RORA: variants seen among roughly 807,000 people sequenced by gnomAD.
RORA encodes nuclear receptor ROR-alpha.
A neutral mutation model predicts 69.5 loss-of-function variants in RORA; 7 were observed. The ratio of observed to expected loss-of-function variants is 0.10; its 90% confidence interval spans 0.06 to 0.19. The LOEUF (loss-of-function observed/expected upper bound fraction) is 0.19, where lower values mean the gene tolerates loss of function less well. Among genes scored for constraint, RORA ranks in the 10% least tolerant of loss-of-function variants. The pLI is 1.00. For synonymous variants in RORA, 261 were observed against 240.8 expected, an observed-to-expected ratio of 1.08 and a Z score of -0.78; for missense variants, 457 against 663.0, an observed-to-expected ratio of 0.69 and a Z score of 3.41.
At chr15:60,997,653 A>G (rs28754592) in intron 1 of RORA, among the ~76,000 whole-genome samples, 2,207 of 152,306 alleles carry the variant, frequency 0.014, 57 homozygotes, top group African/African-American at 0.048. Flanking sequence ...ACCCATGTAT[A>G]TCTTCCACAT....
intron 1 of RORA, among the ~76,000 whole-genome samples, chr15:61,091,427 G>A (rs1381166283): frequency 6.6e-6 from 1 of 152,086 alleles, no homozygotes; most frequent in African/African-American, 2.4e-5. Flanking sequence ...TACTCCCTCC[G>A]CCACTGCCTG....
At position 61,189,373 on chromosome 15, in the gene RORA, C is replaced by A. The variant is rs891953361; in HGVS notation, c.166+39680G>T. ...CGCACTCTATTTGCTGGCTCCCACTCGGCAGCTATGGGCTCTTGTTTTTGA... is the reference window on the plus strand; with the variant it reads ...CGCACTCTATTTGCTGGCTCCCACTAGGCAGCTATGGGCTCTTGTTTTTGA... On this transcript the variant is annotated intron_variant, in intron 1 of 10. Coordinates refer to ENST00000335670, the MANE Select transcript of RORA (RefSeq NM_134261.3). 8.5e-5 allele frequency among the ~76,000 whole-genome samples: 13 copies of A among 152,306 alleles called. No homozygotes were observed. The Middle Eastern group carries it at 0.01, about 120-fold the overall frequency.
intron 1 of RORA, among the ~76,000 whole-genome samples, chr15:60,995,200 T>C (rs559899051): frequency 1.3e-5 from 2 of 152,304 alleles, no homozygotes; most frequent in East Asian, 1.9e-4. Flanking sequence ...TTCTCTTCTT[T>C]CCTTTCCGCA....
intron 2 of RORA, among the ~76,000 whole-genome samples, chr15:60,599,509 T>C (rs61333371): frequency 0.27 from 41,339 of 152,076 alleles, 5,824 homozygotes; most frequent in East Asian, 0.45. Context: ...TGAGATCGTG[T>C]CACTGCACTC....
intron 1 of RORA, among the ~76,000 whole-genome samples, chr15:60,912,538 A>G (rs2140480585): frequency 6.6e-6 from 1 of 152,192 alleles, no homozygotes; most frequent in African/African-American, 2.4e-5. Flanking sequence ...GTGGATCACG[A>G]GATCAGGAGA....
In RORA at chr15:61,061,678, A is replaced by G. The variant is rs1019650161; in HGVS notation, c.166+167375T>C. On this transcript the variant is annotated intron_variant, in intron 1 of 10. Coordinates refer to ENST00000335670, the MANE Select transcript of RORA (RefSeq NM_134261.3). The surrounding 1 kb of genome is among the most constrained non-coding windows in gnomAD (Gnocchi z 4.4). ...TTGCAAGAGTTAAGAGGAAATTTAA[A>G]CTACTGCTTTAGTTGTTGGGCATAT... Among the ~76,000 whole-genome samples, 1 of 152,184 alleles carries G rather than the reference A, an allele frequency of 6.6e-6. No individual in the cohort carries two copies. Among genetic ancestry groups the G allele is most frequent in the Non-Finnish European group, 1.5e-5 (1 of 68,038 alleles).
chr15:60,540,780 C>A (rs2066847760), intron 2 of RORA, among the ~76,000 whole-genome samples: 1 of 152,214 alleles, frequency 6.6e-6, no homozygotes, highest in African/African-American at 2.4e-5. Flanking sequence ...ACTAAATAAA[C>A]TGGATTCATG....
intron 1 of RORA, among the ~76,000 whole-genome samples, chr15:60,830,971 C>T (rs191893573): frequency 8.8e-4 from 134 of 152,128 alleles, no homozygotes; most frequent in African/African-American, 3.1e-3. Context: ...GTGTGTGGAT[C>T]CATCAAAAAG....
chr15:61,120,967 C>T (rs1475771840), intron 1 of RORA, among the ~76,000 whole-genome samples: 1 of 151,640 alleles, frequency 6.6e-6, no homozygotes. Context: ...CCTGTCTCAG[C>T]TTCCCCAGTA....
At chr15:60,647,904 C>G (rs542065509) in intron 2 of RORA, among the ~76,000 whole-genome samples, 2 of 152,140 alleles carry the variant, frequency 1.3e-5, no homozygotes, top group Admixed American at 1.3e-4. Flanking sequence ...TTGGGTCAGC[C>G]GCAGGCATCA....
intron 1 of RORA, among the ~76,000 whole-genome samples, chr15:60,857,123 C>T (rs2073388679): frequency 6.6e-6 from 1 of 152,124 alleles, no homozygotes; most frequent in African/African-American, 2.4e-5. Flanking sequence ...AAGGACCTTG[C>T]AGGCTCGTGG....
At chr15:60,561,079 T>TTG (rs1375992581) in intron 2 of RORA, among the ~76,000 whole-genome samples, 4 of 129,772 alleles carry the variant, frequency 3.1e-5, no homozygotes, top group Non-Finnish European at 6.1e-5. Flanking sequence ...TTGTTTTGTT[T>TTG]TTGTTTTTTT....
At chr15:61,164,158 ATGT>A (rs1432268674) in intron 1 of RORA, among the ~76,000 whole-genome samples, 8 of 151,866 alleles carry the variant, frequency 5.3e-5, no homozygotes, top group Non-Finnish European at 8.8e-5. Context: ...AAAAAAAAAC[ATGT>A]GGAGCCTGTA....
At chr15:61,038,671 T>G (rs974024296) in intron 1 of RORA, among the ~76,000 whole-genome samples, 2 of 152,244 alleles carry the variant, frequency 1.3e-5, no homozygotes, top group African/African-American at 2.4e-5. Flanking sequence ...TTGTGTTTGC[T>G]AAGGCAATAA....
At chr15:60,592,802 G>T in intron 2 of RORA, 1 of 631,268 alleles carries the variant, frequency 1.6e-6, no homozygotes, top group Non-Finnish European at 2.5e-6. Context: ...TCGCCTTCGG[G>T]ATCACCTGTG....
At chr15:60,840,511 A>G (rs964116076) in intron 1 of RORA, among the ~76,000 whole-genome samples, 2 of 152,194 alleles carry the variant, frequency 1.3e-5, no homozygotes, top group African/African-American at 4.8e-5. Context: ...CCCCACTCTC[A>G]CCAGCAGAGG....
chr15:61,045,099 C>G (rs1054674496), intron 1 of RORA, among the ~76,000 whole-genome samples: 1 of 152,180 alleles, frequency 6.6e-6, no homozygotes, highest in Non-Finnish European at 1.5e-5. Flanking sequence ...TGTGTCTCCA[C>G]CCACATCTCA....
At chr15:61,042,946 A>C (rs186480250) in intron 1 of RORA, among the ~76,000 whole-genome samples, 1 of 152,330 alleles carries the variant, frequency 6.6e-6, no homozygotes, top group East Asian at 1.9e-4. Context: ...AGAGAAACTG[A>C]GCAAGGGCAA....
chr15:60,507,719 TC>T lies in RORA; in HGVS notation c.821-2091del, dbSNP rs960733816. Among the ~76,000 whole-genome samples, 19 of 152,286 alleles carry T rather than the reference TC, an allele frequency of 1.2e-4. 1 individual carries two copies. The highest frequency in any genetic ancestry group is 4.3e-4 in the African/African-American group (18 of 41,570). The stretch of plus-strand genomic sequence containing the variant: ...AGAACTCTCACTATATAAGGTCGTT[TC>T]TAGAATGTAAACCAATTTTTGCCGA... On this transcript the variant is annotated intron_variant, in intron 5 of 10. Transcript: ENST00000335670.
Sources: allele counts gnomAD v4.1 joint callset (sites outside exome capture counted in the v4.1 genomes callset), GRCh38; gene constraint gnomAD v4.1.1; non-coding constraint Gnocchi (gnomAD v3.1); transcripts MANE v1.5; gene names NCBI Gene and HGNC (gene_info 2026-07-23, HGNC 2026-07-21).